PHF21A: variants seen among roughly 807,000 people sequenced by gnomAD.
PHF21A encodes the protein PHD finger protein 21A, also known as BHC80a.
A neutral mutation model predicts 82.5 loss-of-function variants in PHF21A; 11 were observed. The ratio of observed to expected loss-of-function variants is 0.13; its 90% CI spans 0.08 to 0.22. The LOEUF is 0.22. Among genes scored for constraint, PHF21A ranks in the 10% least tolerant of loss-of-function variants. The probability of loss-of-function intolerance (pLI) is 1.00; values close to 1 mark genes in which losing one functional copy is unlikely to be tolerated. For synonymous variants in PHF21A, 297 were observed against 302.8 expected (o/e 0.98, Z 0.20); for missense variants, 579 against 837.8 (o/e 0.69, Z 3.81).
chr11:45,996,076 T>C (rs2094897595), intron 6 of PHF21A, among the ~76,000 whole-genome samples: 2 of 152,102 alleles, frequency 1.3e-5, no homozygotes, highest in Non-Finnish European at 2.9e-5. Context: ...CCCAAGTAGC[T>C]AGAGCTACAG....
intron 12 of PHF21A, 26 bp downstream of exon 12, chr11:45,950,180 G>A (rs1201622778): frequency 6.4e-7 from 1 of 1,552,624 alleles, no homozygotes; most frequent in African/African-American, 1.4e-5. Flanking sequence ...AGAAAAAAAG[G>A]CAGTGCCAAG....
At chr11:46,108,955 G>A (rs2097181656) in intron 1 of PHF21A, among the ~76,000 whole-genome samples, 1 of 152,234 alleles carries the variant, frequency 6.6e-6, no homozygotes, top group East Asian at 1.9e-4. Context: ...TGTCCCAAAT[G>A]TCTTCATTTC....
At chr11:46,089,377 CTATT>C (rs1374268175) in intron 3 of PHF21A, among the ~76,000 whole-genome samples, 1 of 152,012 alleles carries the variant, frequency 6.6e-6, no homozygotes, top group Non-Finnish European at 1.5e-5. Flanking sequence ...TCTTTTAATA[CTATT>C]TATTAAAAAC....
chr11:45,953,568 G>A lies in PHF21A; in HGVS notation c.1054C>T (p.Pro352Ser). The A allele has an allele frequency of 6.2e-7, 1 of 1,613,936 alleles. No individual in the cohort carries two copies. Among genetic ancestry groups the A allele is most frequent in the African/African-American group, 1.3e-5 (1 of 75,012 alleles). Residue 352 changes from proline to serine, a missense_variant, in exon 11 of 19, where the codon CCA becomes TCA. Coordinates refer to ENST00000676320, the MANE Select transcript of PHF21A (RefSeq NM_001352027.3). ...EKQTESRTIT[P>S]PAAPKPKREE... is the part of the protein sequence containing the mutation. The stretch of plus-strand genomic sequence containing the variant: ...CGTTTTGGTTTGGGTGCAGCAGGTG[G>A]GGTGATGGTGCGGCTCTCTGTTTGT...
chr11:45,984,601 G>A lies in PHF21A; in HGVS notation c.154-4635C>T, dbSNP rs114440675. Among the ~76,000 whole-genome samples, 354 of 152,308 alleles carry A rather than the reference G, an allele frequency of 2.3e-3. 1 individual carries two copies. The highest frequency in any genetic ancestry group is 0.01 in the Middle Eastern group (3 of 294). On this transcript the variant is annotated intron_variant, in intron 6 of 18. Coordinates refer to ENST00000676320, the MANE Select transcript of PHF21A (RefSeq NM_001352027.3). ...AGAAAATCAGGTTCGTTTTTCCACC[G>A]TTTAAGTCACGTTCCATGGCTTTTG...
intron 10 of PHF21A, among the ~76,000 whole-genome samples, chr11:45,956,014 A>C (rs757083488): frequency 1.2e-3 from 184 of 152,354 alleles, no homozygotes; most frequent in Non-Finnish European, 1.8e-3. Flanking sequence ...AAATGGGTTA[A>C]TATATTTAAA....
At chr11:45,995,988 G>A (rs989494745) in intron 6 of PHF21A, among the ~76,000 whole-genome samples, 1 of 151,960 alleles carries the variant, frequency 6.6e-6, no homozygotes, top group African/African-American at 2.4e-5. Flanking sequence ...CTGTCACCCA[G>A]GCTGGAGTGC....
intron 6 of PHF21A, among the ~76,000 whole-genome samples, chr11:46,020,978 A>G (rs1328742371): frequency 6.6e-6 from 1 of 152,146 alleles, no homozygotes; most frequent in Admixed American, 6.5e-5. Flanking sequence ...GATAGTTTCA[A>G]TGTATGATGG....
chr11:46,017,093 C>T (rs758113439), intron 6 of PHF21A, among the ~76,000 whole-genome samples: 5 of 152,194 alleles, frequency 3.3e-5, no homozygotes, highest in South Asian at 2.1e-4. Flanking sequence ...GCCTCAGCCT[C>T]CTGAGTTGCT....
In PHF21A at chr11:45,934,957, G is replaced by C. The variant is rs555295227; in HGVS notation, c.1788+679C>G. On this transcript the variant is annotated intron_variant, in intron 18 of 18. Coordinates refer to ENST00000676320, the MANE Select transcript of PHF21A (RefSeq NM_001352027.3). ...ACAGTTCAACTGCCACCAAGTACAA[G>C]GCACCACCTGGTATCCATGAGGGCT... 7 of 450,418 alleles carry C rather than the reference G, an allele frequency of 1.6e-5. No individual in the cohort carries two copies. The East Asian group carries it at 3.5e-4, about 23-fold the overall frequency. The allele number at this position is 450,418 out of a possible 1,614,324, so 27.9% of individuals were successfully genotyped here.
intron 18 of PHF21A, 29 bp downstream of exon 18, chr11:45,935,607 C>G (rs182299431): frequency 9.6e-7 from 1 of 1,036,504 alleles, no homozygotes. Flanking sequence ...ACCTATGTAT[C>G]GACTGCTGAA....
chr11:46,020,877 AC>A (rs1166765132), intron 6 of PHF21A, among the ~76,000 whole-genome samples: 1 of 152,118 alleles, frequency 6.6e-6, no homozygotes, highest in Admixed American at 6.6e-5. Flanking sequence ...TTCTCAATTA[AC>A]TTATGATGGG....
At chr11:46,114,086 T>TAC (rs57387891) in intron 1 of PHF21A, among the ~76,000 whole-genome samples, 18,079 of 149,090 alleles carry the variant, frequency 0.12, 2,369 homozygotes, top group East Asian at 0.57. Flanking sequence ...TCTAATTCCC[T>TAC]ACACACACAC....
chr11:46,082,371 T>C (rs771358428), intron 4 of PHF21A, among the ~76,000 whole-genome samples: 26 of 152,228 alleles, frequency 1.7e-4, no homozygotes, highest in Non-Finnish European at 2.6e-4. Flanking sequence ...TACCTTGATG[T>C]CATTTCTGGC....
chr11:45,991,627 G>C (rs576684526), intron 6 of PHF21A, among the ~76,000 whole-genome samples: 1 of 152,180 alleles, frequency 6.6e-6, no homozygotes, highest in South Asian at 2.1e-4. Context: ...TAAGTAGAGA[G>C]GCAGTATTGT....
intron 6 of PHF21A, among the ~76,000 whole-genome samples, chr11:45,991,095 T>C (rs1289405172): frequency 6.6e-6 from 1 of 152,240 alleles, no homozygotes; most frequent in Non-Finnish European, 1.5e-5. Flanking sequence ...TCCATAGTTC[T>C]ACCCTTTCCA....
intron 6 of PHF21A, among the ~76,000 whole-genome samples, chr11:46,070,730 T>G (rs1287053922): frequency 6.6e-6 from 1 of 152,106 alleles, no homozygotes; most frequent in Non-Finnish European, 1.5e-5. Context: ...TAAAAAGAAA[T>G]AGAAGAAGGT....
chr11:45,989,119 T>G (rs754043511), intron 6 of PHF21A, among the ~76,000 whole-genome samples: 11 of 152,202 alleles, frequency 7.2e-5, no homozygotes, highest in Non-Finnish European at 1.6e-4. Flanking sequence ...CTGATTAACT[T>G]CATGGAATTG....
intron 1 of PHF21A, among the ~76,000 whole-genome samples, chr11:46,119,224 T>C (rs953930703): frequency 6.6e-6 from 1 of 152,102 alleles, no homozygotes; most frequent in African/African-American, 2.4e-5. Context: ...AGCATCTACA[T>C]TCCTGACACC....
Sources: gnomAD v4.1 joint callset for allele counts (sites outside exome capture counted in the v4.1 genomes callset) on GRCh38, gnomAD v4.1.1 for gene constraint, MANE v1.5 for transcripts, NCBI Gene and HGNC (gene_info 2026-07-23, HGNC 2026-07-21) for gene names.